KIAA1217: variants seen among roughly 807,000 people sequenced by gnomAD.
KIAA1217 encodes sickle tail protein homolog.
KIAA1217 carries 88 observed loss-of-function variants against 163.9 expected under a neutral mutation model. The ratio of observed to expected loss-of-function variants is 0.54; its 90% CI spans 0.45 to 0.64. KIAA1217 has a LOEUF of 0.64. KIAA1217 is among the 30% of genes least tolerant of loss of function. The probability of loss-of-function intolerance (pLI) is 0.00; values close to 1 mark genes in which losing one functional copy is unlikely to be tolerated. For missense variants in KIAA1217, 2,372 were observed against 2,475.0 expected, an observed-to-expected ratio of 0.96 and a Z score of 0.88; for synonymous variants, 903 against 923.1, an observed-to-expected ratio of 0.98 and a Z score of 0.39.
At chr10:23,716,198 A>G (rs980134251) in intron 1 of KIAA1217, among the ~76,000 whole-genome samples, 4 of 152,180 alleles carry the variant, frequency 2.6e-5, no homozygotes, top group East Asian at 3.8e-4. Context: ...AAACAAAACT[A>G]TGCTTAGGGC....
At chr10:24,205,388 T>A (rs1438131449), upstream of KIAA1217, among the ~76,000 whole-genome samples, 5 of 145,566 alleles carry the variant, frequency 3.4e-5, no homozygotes, top group African/African-American at 1.0e-4. Context: ...AGCGGGACAA[T>A]TGCTTGAACC....
At chr10:24,370,381 G>C (rs1160871146) in intron 2 of KIAA1217, among the ~76,000 whole-genome samples, 1 of 151,798 alleles carries the variant, frequency 6.6e-6, no homozygotes, top group Non-Finnish European at 1.5e-5. Flanking sequence ...TGATTAGCTT[G>C]GACATTAAAT....
At chr10:23,935,340 G>A (rs746870189) in intron 1 of KIAA1217, among the ~76,000 whole-genome samples, 6 of 152,136 alleles carry the variant, frequency 3.9e-5, no homozygotes, top group African/African-American at 1.4e-4. Flanking sequence ...TCAGACTTCT[G>A]CCCACCTCAG....
chr10:24,346,475 A>AAATAAT (rs199962983), intron 2 of KIAA1217, among the ~76,000 whole-genome samples: 1 of 152,026 alleles, frequency 6.6e-6, no homozygotes, highest in Non-Finnish European at 1.5e-5. Context: ...CCGTCTCAAA[A>AAATAAT]AATAATAATA....
At chr10:24,227,672 A>G (rs1048541075) in intron 2 of KIAA1217, among the ~76,000 whole-genome samples, 13 of 152,052 alleles carry the variant, frequency 8.5e-5, no homozygotes, top group African/African-American at 3.1e-4. Flanking sequence ...AGCTGGGACT[A>G]CAGGCGCCCG....
intron 2 of KIAA1217, among the ~76,000 whole-genome samples, chr10:24,244,383 G>C (rs2073497586): frequency 6.6e-6 from 1 of 152,006 alleles, no homozygotes; most frequent in African/African-American, 2.4e-5. Flanking sequence ...ATCCAGTTTT[G>C]AAGGTGTAGT....
chr10:24,091,080 G>A (rs1200742210), intron 2 of KIAA1217, among the ~76,000 whole-genome samples: 1 of 151,890 alleles, frequency 6.6e-6, no homozygotes, highest in African/African-American at 2.4e-5. Context: ...AAGTACTTCT[G>A]TATAGAACCA....
chr10:24,380,551 A>G (rs185633087), intron 2 of KIAA1217, among the ~76,000 whole-genome samples: 234 of 152,204 alleles, frequency 1.5e-3, no homozygotes, highest in African/African-American at 5.5e-3. Flanking sequence ...CTGAGGCACA[A>G]GAATTGCTTG....
intron 1 of KIAA1217, among the ~76,000 whole-genome samples, chr10:23,753,021 A>G (rs1352218712): frequency 6.6e-6 from 1 of 152,190 alleles, no homozygotes. Flanking sequence ...ATTTGAGATC[A>G]TGGGTTTTTT....
At chr10:23,763,316 G>A (rs1834354621) in intron 1 of KIAA1217, among the ~76,000 whole-genome samples, 1 of 152,094 alleles carries the variant, frequency 6.6e-6, no homozygotes, top group Admixed American at 6.6e-5. Flanking sequence ...ACAATCCTAA[G>A]CAAAAAGAAC....
chr10:23,772,676 A>G (rs1198861319), intron 1 of KIAA1217, among the ~76,000 whole-genome samples: 1 of 152,164 alleles, frequency 6.6e-6, no homozygotes, highest in Non-Finnish European at 1.5e-5. Flanking sequence ...ACACTCCGCG[A>G]ACTATTAGAG....
rs117886803 is a variant in KIAA1217 at position 24,007,897 on chromosome 10, T to C, written c.-171+523T>C. On this transcript the variant is annotated intron_variant, in intron 2 of 18. Coordinates refer to the KIAA1217 transcript ENST00000376462. Reference sequence around the variant, plus strand: ...GAGCAAAATTAATTTTCCAGTTTCATTGAGATCCCTTTGCTTTCCCCAAAT... The same window carrying C: ...GAGCAAAATTAATTTTCCAGTTTCACTGAGATCCCTTTGCTTTCCCCAAAT... Among the ~76,000 whole-genome samples, 540 of 152,288 alleles carry C rather than the reference T, an allele frequency of 3.5e-3. 6 individuals carry two copies. The highest frequency in any genetic ancestry group is 0.03 in the South Asian group (145 of 4,822).
chr10:24,493,976 T>C (rs918635640), intron 6 of KIAA1217, among the ~76,000 whole-genome samples: 4 of 152,192 alleles, frequency 2.6e-5, no homozygotes, highest in Non-Finnish European at 5.9e-5. Flanking sequence ...CAGTCATATT[T>C]CTCCATGGTC....
intron 2 of KIAA1217, among the ~76,000 whole-genome samples, chr10:24,293,077 C>A (rs1216976544): frequency 6.6e-6 from 1 of 152,186 alleles, no homozygotes; most frequent in Non-Finnish European, 1.5e-5. Flanking sequence ...GACTCTCCCT[C>A]TGTCGCCCAG....
intron 2 of KIAA1217, among the ~76,000 whole-genome samples, chr10:24,257,518 C>CT (rs1228448939): frequency 1.3e-5 from 2 of 152,050 alleles, no homozygotes; most frequent in Non-Finnish European, 2.9e-5. Flanking sequence ...TCCCAGGACC[C>CT]TTTTTTAGTT....
At chr10:24,308,275 G>C (rs1385664148) in intron 2 of KIAA1217, among the ~76,000 whole-genome samples, 1 of 152,180 alleles carries the variant, frequency 6.6e-6, no homozygotes, top group Non-Finnish European at 1.5e-5. Flanking sequence ...AAAGGAATGT[G>C]TGCAGCCCTC....
intron 2 of KIAA1217, among the ~76,000 whole-genome samples, chr10:24,263,278 A>G (rs769411770): frequency 2.0e-5 from 3 of 152,234 alleles, no homozygotes; most frequent in Non-Finnish European, 4.4e-5. Context: ...TTGGTAGCTA[A>G]GGGAAGCGTC....
At chr10:24,178,396 A>G (rs986214936) in intron 2 of KIAA1217, among the ~76,000 whole-genome samples, 1 of 152,242 alleles carries the variant, frequency 6.6e-6, no homozygotes, top group African/African-American at 2.4e-5. Flanking sequence ...GAGTTGGGAT[A>G]CATCCATCTG....
chr10:23,802,435 T>G (rs1008664629), intron 1 of KIAA1217, among the ~76,000 whole-genome samples: 5 of 152,238 alleles, frequency 3.3e-5, no homozygotes, highest in African/African-American at 1.2e-4. Flanking sequence ...TACCTTTACA[T>G]GGAGCTGTTT....
Sources: allele counts gnomAD v4.1 joint callset (sites outside exome capture counted in the v4.1 genomes callset), GRCh38; gene constraint gnomAD v4.1.1; transcripts MANE v1.5; gene names NCBI Gene and HGNC (gene_info 2026-07-23, HGNC 2026-07-21).